MSRB3: variants seen among roughly 807,000 people sequenced by gnomAD.
MSRB3 encodes methionine-R-sulfoxide reductase B3.
MSRB3 carries 13 observed loss-of-function variants against 21.0 expected under a neutral mutation model. The ratio of observed to expected loss-of-function variants is 0.62; its 90% confidence interval spans 0.40 to 0.98. The LOEUF (loss-of-function observed/expected upper bound fraction) is 0.98. Among genes scored for constraint, MSRB3 ranks in the 50% least tolerant of loss-of-function variants. The pLI, the probability that MSRB3 is intolerant of heterozygous loss-of-function variation, is 0.00. For synonymous variants in MSRB3, 87 were observed against 88.6 expected, an observed-to-expected ratio of 0.98 and a Z score of 0.10; for missense variants, 199 against 230.3, an observed-to-expected ratio of 0.86 and a Z score of 0.88.
intron 4 of MSRB3, among the ~76,000 whole-genome samples, chr12:65,339,693 A>C (rs778799227): frequency 2.6e-5 from 4 of 152,018 alleles, no homozygotes; most frequent in African/African-American, 9.7e-5. Context: ...AATTTACGTA[A>C]TTTATTTTTA....
chr12:65,369,100 C>A, intron 5 of MSRB3, 74 bp downstream of exon 5: 1 of 1,126,724 alleles, frequency 8.9e-7, no homozygotes, highest in Non-Finnish European at 1.3e-6. Flanking sequence ...ATCATCAGAT[C>A]AAGAACCATT....
At chr12:65,399,595 C>A (rs908049922) in intron 5 of MSRB3, among the ~76,000 whole-genome samples, 7 of 152,122 alleles carry the variant, frequency 4.6e-5, no homozygotes, top group Non-Finnish European at 1.0e-4. Flanking sequence ...ACCTTTATTT[C>A]CTTCTCTTGC....
At chr12:65,417,776 C>T (rs1327326358) in intron 5 of MSRB3, among the ~76,000 whole-genome samples, 1 of 152,158 alleles carries the variant, frequency 6.6e-6, no homozygotes, top group Non-Finnish European at 1.5e-5. Flanking sequence ...AACATAACAT[C>T]CTTCAGGTTC....
intron 1 of MSRB3, among the ~76,000 whole-genome samples, chr12:65,293,562 G>C (rs1872778681): frequency 6.6e-6 from 1 of 152,082 alleles, no homozygotes; most frequent in South Asian, 2.1e-4. Context: ...CTTAATCTGG[G>C]CAACAGTCTT....
At position 65,278,722 on chromosome 12, in the gene MSRB3, G is replaced by A. The variant is rs759454076; in HGVS notation, c.-195G>A. The A allele has an allele frequency of 2.6e-6, 4 of 1,519,512 alleles. No individual in the cohort carries two copies. In the South Asian group the frequency reaches 3.6e-5, roughly 13 times the overall value. The allele number at this position is 1,519,512 out of a possible 1,614,324, so 94.1% of individuals were successfully genotyped here. ...CCCGTCCGTCGCCCGGAGCCGGGGA[G>A]GGAGGGAGCGAGGTTCGGACACCGG... On this transcript the variant is annotated 5_prime_UTR_variant, in exon 1 of 7. Transcript: ENST00000308259.
At chr12:65,308,320 T>C (rs1873777446) in intron 1 of MSRB3, among the ~76,000 whole-genome samples, 1 of 152,172 alleles carries the variant, frequency 6.6e-6, no homozygotes, top group South Asian at 2.1e-4. Context: ...TGCACTGCTA[T>C]CATGTAGTGT....
At chr12:65,441,222 G>A (rs553406612) in intron 5 of MSRB3, among the ~76,000 whole-genome samples, 21 of 151,860 alleles carry the variant, frequency 1.4e-4, no homozygotes, top group Non-Finnish European at 2.4e-4. Flanking sequence ...AATTGCAAGG[G>A]CTCCTTGTAC....
intron 2 of MSRB3, among the ~76,000 whole-genome samples, chr12:65,320,965 G>A (rs116483555): frequency 1.6e-3 from 250 of 152,162 alleles, no homozygotes; most frequent in African/African-American, 5.7e-3. Flanking sequence ...CCATGTGTTC[G>A]GAAAGCTCTT....
intron 1 of MSRB3, among the ~76,000 whole-genome samples, chr12:65,307,724 A>G (rs1873740607): frequency 6.6e-6 from 1 of 152,188 alleles, no homozygotes; most frequent in Non-Finnish European, 1.5e-5. Context: ...CACATAATTC[A>G]TTTCCAAAGA....
chr12:65,309,916 G>T (rs1279089069), intron 2 of MSRB3, among the ~76,000 whole-genome samples: 2 of 152,184 alleles, frequency 1.3e-5, no homozygotes, highest in African/African-American at 4.8e-5. Flanking sequence ...AAATCATGAA[G>T]CACTTTATAT....
chr12:65,337,430 C>CAAAAAAAAAAAAAAA (rs780302211), intron 4 of MSRB3, among the ~76,000 whole-genome samples: 1 of 43,572 alleles, frequency 2.3e-5, no homozygotes, highest in Admixed American at 3.5e-4. Context: ...GAGACTACAT[C>CAAAAAAAAAAAAAAA]AAAAAAAAAA....
intron 5 of MSRB3, among the ~76,000 whole-genome samples, chr12:65,421,321 T>C (rs950896698): frequency 5.3e-5 from 8 of 152,238 alleles, no homozygotes; most frequent in Admixed American, 4.6e-4. Flanking sequence ...TTTGTTTTTT[T>C]CTTGTACATT....
chr12:65,304,630 G>A (rs1335953343), intron 1 of MSRB3, among the ~76,000 whole-genome samples: 2 of 152,218 alleles, frequency 1.3e-5, no homozygotes, highest in Non-Finnish European at 2.9e-5. Context: ...ATGCGAAAGT[G>A]AGGAAGTTGA....
intron 5 of MSRB3, chr12:65,418,692 C>A: frequency 1.4e-6 from 1 of 726,826 alleles, no homozygotes; most frequent in Non-Finnish European, 2.4e-6. Flanking sequence ...TGGCTTCCAG[C>A]TCCCCAGAGA....
intron 1 of MSRB3, among the ~76,000 whole-genome samples, chr12:65,307,771 A>G (rs1873743568): frequency 6.6e-6 from 1 of 152,212 alleles, no homozygotes; most frequent in Admixed American, 6.5e-5. Flanking sequence ...GAATTACTAA[A>G]TCATGAATAT....
At chr12:65,445,937 G>T (rs1882598026) in intron 5 of MSRB3, among the ~76,000 whole-genome samples, 1 of 152,132 alleles carries the variant, frequency 6.6e-6, no homozygotes, top group Non-Finnish European at 1.5e-5. Context: ...GAGCCACCAT[G>T]CCCAGCCAAG....
chr12:65,341,419 G>A (rs919582982), intron 4 of MSRB3, among the ~76,000 whole-genome samples: 2 of 151,936 alleles, frequency 1.3e-5, no homozygotes, highest in African/African-American at 4.8e-5. Context: ...GGAACAGTTG[G>A]GGGGAAGGGA....
rs191804064 is a variant in MSRB3, at chr12:65,414,592, C to T, written c.293-39136C>T. ...TAGTCGAGGTGTGTAGCAGGTATAC[C>T]GTCTATGTTTATGTAAATTTACTCT... On this transcript the variant is annotated intron_variant, in intron 5 of 6. Transcript: ENST00000308259. Among the ~76,000 whole-genome samples the T allele has an allele frequency of 3.5e-4, 54 of 152,156 alleles. 2 individuals are homozygous for T. Among genetic ancestry groups the T allele is most frequent in the Admixed American group, 2.5e-3 (38 of 15,282 alleles).
chr12:65,317,322 G>T (rs1042046275), intron 2 of MSRB3, among the ~76,000 whole-genome samples: 3 of 152,120 alleles, frequency 2.0e-5, no homozygotes, highest in Admixed American at 1.3e-4. Flanking sequence ...TGGTAATCTG[G>T]ATGCAGCTTA....
Sources: gnomAD v4.1 joint callset for allele counts (sites outside exome capture counted in the v4.1 genomes callset) on GRCh38, gnomAD v4.1.1 for gene constraint, MANE v1.5 for transcripts, NCBI Gene and HGNC (gene_info 2026-07-23, HGNC 2026-07-21) for gene names.